GLYR1: variants seen among roughly 807,000 people sequenced by gnomAD.
The protein encoded by GLYR1 is glyoxylate reductase 1 homolog, also known as cytokine-like nuclear factor N-PAC.
Under a neutral mutation model 72.7 loss-of-function variants are expected in GLYR1, and 21 were observed. That is an observed-to-expected ratio of 0.29 (90% CI 0.20 to 0.42). The LOEUF (loss-of-function observed/expected upper bound fraction) is 0.42. Among genes scored for constraint, GLYR1 ranks in the 10% least tolerant of loss-of-function variants. GLYR1 has a pLI of 1.00. For synonymous variants in GLYR1, 392 were observed against 270.2 expected, an observed-to-expected ratio of 1.45 and a Z score of -4.42; for missense variants, 594 against 712.1, an observed-to-expected ratio of 0.83 and a Z score of 1.89.
At chr16:4,805,737 G>A (rs768617316) in intron 15 of GLYR1, among the ~76,000 whole-genome samples, 1 of 152,122 alleles carries the variant, frequency 6.6e-6, no homozygotes, top group Non-Finnish European at 1.5e-5. Flanking sequence ...CAGCACTTTA[G>A]GAGGCCAAGG....
At chr16:4,805,810 T>TA (rs532003195) in intron 15 of GLYR1, among the ~76,000 whole-genome samples, 50 of 145,286 alleles carry the variant, frequency 3.4e-4, no homozygotes, top group East Asian at 1.4e-3. Flanking sequence ...ACCCCTTCTT[T>TA]AAAAAAAAAA....
chr16:4,806,513 C>T (rs115490401), intron 15 of GLYR1, among the ~76,000 whole-genome samples: 74 of 151,812 alleles, frequency 4.9e-4, no homozygotes, highest in African/African-American at 1.5e-3. Flanking sequence ...ATAGGGTGCT[C>T]GCCACCACGC....
At position 4,815,595 on chromosome 16, in the gene GLYR1, A is replaced by G. The variant is rs1373355048; in HGVS notation, c.907-948T>C. Reference sequence around the variant, plus strand: ...CAAATAGAATAAAACAGGTTCTAAAAGTTTTAAGGCTCTCAACAAATGTAG... The same window carrying G: ...CAAATAGAATAAAACAGGTTCTAAAGGTTTTAAGGCTCTCAACAAATGTAG... On this transcript the variant is annotated intron_variant, in intron 10 of 15. Coordinates refer to ENST00000321919, the MANE Select transcript of GLYR1 (RefSeq NM_032569.4). Among the ~76,000 whole-genome samples the G allele has an allele frequency of 3.3e-5, 5 of 152,192 alleles. 1 individual carries two copies.
intron 3 of GLYR1, among the ~76,000 whole-genome samples, chr16:4,835,659 C>T (rs151315224): frequency 6.6e-6 from 1 of 152,228 alleles, no homozygotes; most frequent in African/African-American, 2.4e-5. Context: ...GGTGAAATCT[C>T]GTCTCTACTG....
chr16:4,824,280 C>T (rs2084235187), intron 5 of GLYR1, among the ~76,000 whole-genome samples: 1 of 151,778 alleles, frequency 6.6e-6, no homozygotes, highest in African/African-American at 2.4e-5. Flanking sequence ...TTTGGGAGGC[C>T]GAGGCAGGCA....
chr16:4,817,063 C>G (rs1483871328), intron 10 of GLYR1, among the ~76,000 whole-genome samples: 2 of 151,740 alleles, frequency 1.3e-5, no homozygotes, highest in Admixed American at 6.6e-5. Flanking sequence ...CCTGCCTCAG[C>G]CTCCTGAGTA....
At chr16:4,837,758 C>G (rs1170401178) in intron 3 of GLYR1, among the ~76,000 whole-genome samples, 1 of 151,908 alleles carries the variant, frequency 6.6e-6, no homozygotes, top group Non-Finnish European at 1.5e-5. Context: ...ACGGTGAAAC[C>G]CTGTCTCTAC....
chr16:4,846,203 G>C lies in GLYR1; in HGVS notation c.46C>G (p.Leu16Val). 1 of 1,613,900 alleles carries C rather than the reference G, an allele frequency of 6.2e-7. No homozygotes were observed. The highest frequency in any genetic ancestry group is 8.5e-7 in the Non-Finnish European group (1 of 1,179,878). The change falls in exon 2 of 16, where the codon CTC (leucine) becomes GTC (valine). Residue 16 changes from leucine (L) to valine (V), a missense_variant. Leu to Val is a conservative substitution (Grantham distance 32). Around this residue, in one of 5 missense-constraint regions of GLYR1, gnomAD observed 62 missense variants for 82.5 expected, o/e 0.75. Transcript: ENST00000321919. ...LRLGDLVWGKLGRYPPWPGKI... is the reference protein window; with the variant it reads ...LRLGDLVWGKVGRYPPWPGKI... ...CCTGGCCAAGGAGGATATCGGCCGA[G>C]TTTCCCCCTAGAGAAAACACAAAGA...
At chr16:4,844,302 C>A (rs1386140580) in intron 3 of GLYR1, among the ~76,000 whole-genome samples, 1 of 152,052 alleles carries the variant, frequency 6.6e-6, no homozygotes, top group Non-Finnish European at 1.5e-5. Flanking sequence ...CAACTTAGGA[C>A]AGATCTGGTA....
chr16:4,806,097 G>A (rs866861082), intron 15 of GLYR1, among the ~76,000 whole-genome samples: 1 of 152,262 alleles, frequency 6.6e-6, no homozygotes, highest in Non-Finnish European at 1.5e-5. Context: ...TCTCACACCT[G>A]TGGTGCTTCT....
At chr16:4,836,756 C>T (rs1018086278) in intron 3 of GLYR1, among the ~76,000 whole-genome samples, 1 of 149,064 alleles carries the variant, frequency 6.7e-6, no homozygotes, top group African/African-American at 2.5e-5. Flanking sequence ...GGGATGAATG[C>T]AACTGTTTCA....
rs141698872 is a variant in GLYR1, at chr16:4,817,396, G to A, written c.906+202C>T. Among the ~76,000 whole-genome samples the A allele has an allele frequency of 9.4e-4, 143 of 152,234 alleles. 3 individuals carry two copies. The highest frequency in any genetic ancestry group is 7.0e-3 in the South Asian group (34 of 4,830). On this transcript the variant is annotated intron_variant, in intron 10 of 15. Transcript: ENST00000321919. The stretch of plus-strand genomic sequence containing the variant: ...AGCCTCCCAAAGTGCTGGGATTACA[G>A]GAGTGAGCCACCGCGCCAGGCAAAT...
At chr16:4,813,231 G>A (rs1056685442) in intron 12 of GLYR1, among the ~76,000 whole-genome samples, 17 of 152,050 alleles carry the variant, frequency 1.1e-4, no homozygotes, top group Admixed American at 2.0e-4. Context: ...CCAAAGTGCT[G>A]GGATTACAGG....
intron 14 of GLYR1, 82 bp from the exon 15 acceptor site, chr16:4,811,376 T>G: frequency 5.7e-6 from 9 of 1,566,396 alleles, no homozygotes; most frequent in African/African-American, 1.4e-5. Context: ...TGTCAGTACC[T>G]AAAACATACT....
intron 13 of GLYR1, 107 bp from the exon 14 acceptor site, chr16:4,811,909 C>A: frequency 2.1e-6 from 3 of 1,431,384 alleles, no homozygotes; most frequent in East Asian, 2.4e-5. Context: ...GGGAGGCCCC[C>A]TTCACCTGCC....
chr16:4,839,972 C>A (rs1246151996), intron 3 of GLYR1: 4 of 152,182 alleles, frequency 2.6e-5, no homozygotes, highest in Non-Finnish European at 4.4e-5. Flanking sequence ...GTCCAGTAAC[C>A]AATGGTGCCC....
chr16:4,805,410 G>C (rs956490277), intron 15 of GLYR1, 100 bp from the exon 16 acceptor site: 5 of 983,590 alleles, frequency 5.1e-6, no homozygotes, highest in Non-Finnish European at 4.8e-6. Context: ...AGCAGGCAGT[G>C]CTGGAGCCCA....
chr16:4,844,072 C>T (rs1187469165), intron 3 of GLYR1, among the ~76,000 whole-genome samples: 1 of 149,788 alleles, frequency 6.7e-6, no homozygotes, highest in African/African-American at 2.5e-5. Context: ...TGAGATCATG[C>T]CACTGCACTC....
chr16:4,845,086 C>G lies in GLYR1; in HGVS notation c.143G>C (p.Gly48Ala). 3 of 1,613,350 alleles carry G rather than the reference C, an allele frequency of 1.9e-6. No homozygotes were observed. The highest frequency in any genetic ancestry group is 2.5e-6 in the Non-Finnish European group (3 of 1,179,354). Residue 48 changes from glycine (G) to alanine (A), a missense_variant, in exon 3 of 16, where the codon GGA (glycine) becomes GCA (alanine). This residue lies in a region of GLYR1 where 62 missense variants were observed against 82.5 expected (regional missense o/e 0.75). Transcript: ENST00000321919. ...GKKCFFVKFF[G>A]TEDHAWIKVE... ...GAGTACTACTCACTGATCTTCTGTTCCAAAAAATTTCACAAAGAAGCATTT... is the reference window on the plus strand; with the variant it reads ...GAGTACTACTCACTGATCTTCTGTTGCAAAAAATTTCACAAAGAAGCATTT...
Sources: allele counts gnomAD v4.1 joint callset (sites outside exome capture counted in the v4.1 genomes callset), GRCh38; gene constraint gnomAD v4.1.1; regional missense constraint gnomAD v4.1.1; transcripts MANE v1.5; gene names NCBI Gene and HGNC (gene_info 2026-07-23, HGNC 2026-07-21).